Variants in TENM3 observed in about 807,000 individuals in gnomAD.
The protein encoded by TENM3 is teneurin transmembrane protein 3.
Under a neutral mutation model 255.1 loss-of-function variants are expected in TENM3, and 63 were observed. The observed-to-expected ratio is 0.25, with a 90% CI of 0.20 to 0.30. The LOEUF is 0.30. TENM3 is among the 10% of genes least tolerant of loss of function. The pLI is 1.00. For missense variants in TENM3, 2,929 were observed against 3,461.1 expected, an observed-to-expected ratio of 0.85 and a Z score of 3.86; for synonymous variants, 1,306 against 1,322.3, an observed-to-expected ratio of 0.99 and a Z score of 0.27.
chr4:181,661,157 G>A, the TENM3 span, among the ~76,000 whole-genome samples: 11 of 152,216 alleles, frequency 7.2e-5, no homozygotes, highest in East Asian at 1.7e-3. Context: ...GTTGCGTAAT[G>A]GTGAAAATCT....
At position 182,383,270 on chromosome 4, in the gene TENM3, A is replaced by G. The variant is rs144179205; in HGVS notation, c.511+36341A>G. Among the ~76,000 whole-genome samples, 437 of 152,162 alleles carry G rather than the reference A, an allele frequency of 2.9e-3. 3 individuals carry two copies. The highest frequency in any genetic ancestry group is 1.0e-2 in the South Asian group (48 of 4,816). On this transcript the variant is annotated intron_variant, in intron 3 of 27. Transcript: ENST00000511685. ...TGGGAGATGAGGAATTTGACCAGAT[A>G]TGGAAGATGTGGGGGTTCTCTCTAA... is the stretch of plus-strand genomic sequence containing the variant.
the TENM3 span, among the ~76,000 whole-genome samples, chr4:182,109,455 A>G: frequency 3.9e-5 from 6 of 152,178 alleles, no homozygotes; most frequent in South Asian, 1.2e-3. Context: ...TATTCTCACT[A>G]TGACAGAAAG....
the TENM3 span, among the ~76,000 whole-genome samples, chr4:182,129,669 T>A: frequency 3.3e-5 from 5 of 152,202 alleles, no homozygotes; most frequent in Non-Finnish European, 4.4e-5. Context: ...AATCAGCCTT[T>A]TGGCAATTGA....
At chr4:181,754,523 G>T in the TENM3 span, among the ~76,000 whole-genome samples, 1 of 152,108 alleles carries the variant, frequency 6.6e-6, no homozygotes, top group Admixed American at 6.6e-5. Context: ...TTCAAAAGAT[G>T]GGTAATATCT....
At chr4:181,667,720 C>A in the TENM3 span, among the ~76,000 whole-genome samples, 2 of 152,174 alleles carry the variant, frequency 1.3e-5, no homozygotes, top group Non-Finnish European at 2.9e-5. Context: ...AGAGCCAATA[C>A]ATTTATTTTC....
intron 1 of TENM3, among the ~76,000 whole-genome samples, chr4:182,256,577 C>T (rs889766379): frequency 2.6e-5 from 4 of 152,126 alleles, no homozygotes; most frequent in South Asian, 2.1e-4. Flanking sequence ...AATCTCAATA[C>T]GAGTTTCAGG....
chr4:181,644,075 CAAAAAAAAA>C, the TENM3 span, among the ~76,000 whole-genome samples: 1 of 58,234 alleles, frequency 1.7e-5, no homozygotes, highest in Non-Finnish European at 3.5e-5. Context: ...GACTCCATCT[CAAAAAAAAA>C]AAAAAAAAAA....
the TENM3 span, among the ~76,000 whole-genome samples, chr4:182,023,690 T>A: frequency 6.6e-6 from 1 of 152,238 alleles, no homozygotes; most frequent in Non-Finnish European, 1.5e-5. Context: ...TTTGCGTGTT[T>A]GTTTTAAACA....
chr4:181,501,536 T>C, the TENM3 span, among the ~76,000 whole-genome samples: 2 of 151,910 alleles, frequency 1.3e-5, no homozygotes, highest in African/African-American at 4.8e-5. Context: ...CGCCACCACG[T>C]CTGGCTAATT....
chr4:182,178,273 G>C (rs1318632744), intron 1 of TENM3, among the ~76,000 whole-genome samples: 2 of 152,140 alleles, frequency 1.3e-5, no homozygotes, highest in Non-Finnish European at 2.9e-5. Context: ...TATTCTTTTA[G>C]ATAGATGGCG....
intron 3 of TENM3, among the ~76,000 whole-genome samples, chr4:182,361,895 G>C (rs1394069585): frequency 6.6e-6 from 1 of 152,114 alleles, no homozygotes; most frequent in Non-Finnish European, 1.5e-5. Context: ...ATGGGTTTTT[G>C]GTGTGGATGT....
chr4:181,447,631 G>C, the TENM3 span, among the ~76,000 whole-genome samples: 2 of 152,120 alleles, frequency 1.3e-5, no homozygotes, highest in African/African-American at 2.4e-5. Flanking sequence ...CTGCTTCCTC[G>C]GAAGAGCACC....
Position 182,800,514 on chromosome 4 carries a change from A to ATGACCTTAAAGGTGATC in TENM3, c.*164_*180dup. The ATGACCTTAAAGGTGATC allele has an allele frequency of 1.2e-6, 1 of 823,970 alleles. No individual in the cohort carries two copies. The highest frequency in any genetic ancestry group is 2.9e-5 in the East Asian group (1 of 34,614). 51.0% of individuals were successfully genotyped at this position (823,970 alleles called of 1,614,324 possible). A position where few individuals can be genotyped will look rare whatever the true frequency, so the allele number is the denominator to read the frequency against. On this transcript the variant is annotated 3_prime_UTR_variant, in exon 28 of 28. Coordinates refer to ENST00000511685, the MANE Select transcript of TENM3 (RefSeq NM_001080477.4). ...GAAAACAAGGACCGCTTTTTTCCGA[A>ATGACCTTAAAGGTGATC]TGACCTTAAAGGTGATCGGCTTTAA...
intron 4 of TENM3, among the ~76,000 whole-genome samples, chr4:182,603,784 T>TATATATATATACACAC (rs58332965): frequency 7.5e-6 from 1 of 134,164 alleles, no homozygotes; most frequent in African/African-American, 2.7e-5. Context: ...TATATATATA[T>TATATATATATACACAC]ACACACACAC....
chr4:182,404,071 C>T (rs191588005), intron 3 of TENM3, among the ~76,000 whole-genome samples: 3 of 152,264 alleles, frequency 2.0e-5, no homozygotes, highest in Non-Finnish European at 2.9e-5. Context: ...TTATTATCAT[C>T]GTGCTTTAGA....
chr4:182,186,762 CATATATATATAT>C (rs70954298), intron 1 of TENM3, among the ~76,000 whole-genome samples: 1,249 of 27,226 alleles, frequency 0.046, 30 homozygotes, highest in African/African-American at 0.071. Context: ...ACTAATGCAT[CATATATATATAT>C]ATATATATAT....
the TENM3 span, among the ~76,000 whole-genome samples, chr4:181,946,834 C>T: frequency 2.6e-5 from 4 of 152,082 alleles, no homozygotes; most frequent in African/African-American, 2.4e-5. Flanking sequence ...ATAATCAAGT[C>T]GGGAGAAAAT....
At chr4:181,518,120 C>T in the TENM3 span, among the ~76,000 whole-genome samples, 1 of 152,138 alleles carries the variant, frequency 6.6e-6, no homozygotes, top group Non-Finnish European at 1.5e-5. Flanking sequence ...CCTCCTTTAG[C>T]ATTTAATTTC....
At chr4:182,312,028 G>T (rs1488204829) in intron 1 of TENM3, among the ~76,000 whole-genome samples, 5 of 152,198 alleles carry the variant, frequency 3.3e-5, no homozygotes, top group African/African-American at 1.2e-4. Context: ...AGCACCATAT[G>T]GGGGTGTGAG....
Sources: allele counts gnomAD v4.1 joint callset (sites outside exome capture counted in the v4.1 genomes callset), GRCh38; gene constraint gnomAD v4.1.1; transcripts MANE v1.5; gene names NCBI Gene and HGNC (gene_info 2026-07-23, HGNC 2026-07-21).